The following ARHGEF28 variants were observed in gnomAD, a reference collection of about 807,000 sequenced individuals.
ARHGEF28 encodes the protein Rho guanine nucleotide exchange factor 28, also known as 190 kDa guanine nucleotide exchange factor.
Under a neutral mutation model 206.6 loss-of-function variants are expected in ARHGEF28, and 152 were observed. The ratio of observed to expected loss-of-function variants is 0.74; its 90% CI spans 0.64 to 0.84. The LOEUF (loss-of-function observed/expected upper bound fraction) is 0.84. Ranked by LOEUF, ARHGEF28 falls within the 40% of genes least tolerant of loss-of-function variation. The pLI, the probability that ARHGEF28 is intolerant of heterozygous loss-of-function variation, is 0.00. For missense variants in ARHGEF28, 2,028 were observed against 2,073.2 expected (o/e 0.98, Z 0.42); for synonymous variants, 763 against 776.4 (o/e 0.98, Z 0.29).
At chr5:73,867,552 A>G (rs1759787777) in intron 18 of ARHGEF28, among the ~76,000 whole-genome samples, 1 of 152,214 alleles carries the variant, frequency 6.6e-6, no homozygotes, top group Non-Finnish European at 1.5e-5. Flanking sequence ...AGCTGGCTGT[A>G]AGGAGTACAA....
intron 35 of ARHGEF28, among the ~76,000 whole-genome samples, chr5:73,912,434 T>A (rs1762959833): frequency 6.6e-6 from 1 of 152,222 alleles, no homozygotes; most frequent in South Asian, 2.1e-4. Flanking sequence ...TAATATATAT[T>A]CTTAGTTTGT....
intron 1 of ARHGEF28, among the ~76,000 whole-genome samples, chr5:73,647,975 G>A (rs912673413): frequency 6.6e-6 from 1 of 152,194 alleles, no homozygotes; most frequent in African/African-American, 2.4e-5. Flanking sequence ...TTTTAGTTGA[G>A]TGAATGATTG....
At chr5:73,861,023 C>T (rs1759364209) in intron 16 of ARHGEF28, among the ~76,000 whole-genome samples, 1 of 152,210 alleles carries the variant, frequency 6.6e-6, no homozygotes, top group Non-Finnish European at 1.5e-5. Context: ...GGAGGTCTTC[C>T]CTGACCACTG....
intron 2 of ARHGEF28, among the ~76,000 whole-genome samples, chr5:73,726,243 A>T (rs898652713): frequency 1.3e-5 from 2 of 152,208 alleles, no homozygotes; most frequent in African/African-American, 4.8e-5. Context: ...CAAAATGACA[A>T]GGAAGTCCTT....
At chr5:73,893,683 C>T (rs2112689343) in intron 28 of ARHGEF28, among the ~76,000 whole-genome samples, 2 of 152,286 alleles carry the variant, frequency 1.3e-5, no homozygotes, top group Middle Eastern at 3.4e-3. Flanking sequence ...TAGACTAGCT[C>T]AGTGATTCTC....
At chr5:73,695,488 G>A (rs2112273115) in intron 2 of ARHGEF28, among the ~76,000 whole-genome samples, 1 of 152,206 alleles carries the variant, frequency 6.6e-6, no homozygotes, top group South Asian at 2.1e-4. Flanking sequence ...TGGCCTGTTT[G>A]CTATTATCAC....
Position 73,899,123 on chromosome 5 carries a change from C to T in ARHGEF28, c.3973+1030C>T, listed in dbSNP as rs908101902. The stretch of plus-strand genomic sequence containing the variant: ...TCTCTCAAGTTCTGCTTTATCTAAT[C>T]CTGAGTTTCTAGTTTCAGAATGCGC... On this transcript the variant is annotated intron_variant, in intron 30 of 35. Coordinates refer to ENST00000513042, the MANE Select transcript of ARHGEF28 (RefSeq NM_001177693.2). 12 of 151,848 alleles carry T rather than the reference C, an allele frequency of 7.9e-5. 1 individual carries two copies. The highest frequency in any genetic ancestry group is 7.9e-4 in the Admixed American group (12 of 15,258). The allele number at this position is 151,848 out of a possible 1,614,324, so 9.4% of individuals were successfully genotyped here. A position where few individuals can be genotyped will look rare whatever the true frequency, so the allele number is the denominator to read the frequency against.
Position 73,740,006 on chromosome 5 carries a change from C to CAA in ARHGEF28, c.34-9816_34-9815dup, listed in dbSNP as rs1163854911. Among the ~76,000 whole-genome samples the CAA allele has an allele frequency of 8.5e-4, 106 of 124,540 alleles. 2 individuals carry two copies. The highest frequency in any genetic ancestry group is 4.2e-3 in the Middle Eastern group (1 of 238). 81.7% of individuals were successfully genotyped at this position (124,540 alleles called of 152,430 possible). A position where few individuals can be genotyped will look rare whatever the true frequency, so the allele number is the denominator to read the frequency against. On this transcript the variant is annotated intron_variant, in intron 2 of 35. Transcript: ENST00000513042. ...CAACATAGTGAGACTTTGTCTCTACCAAAAAAAAAAAAAAAATTTAGCTAG... is the reference window on the plus strand; with the variant it reads ...CAACATAGTGAGACTTTGTCTCTACCAAAAAAAAAAAAAAAAAATTTAGCTAG...
At chr5:73,869,274 A>G (rs1311978842) in intron 20 of ARHGEF28, among the ~76,000 whole-genome samples, 1 of 151,342 alleles carries the variant, frequency 6.6e-6, no homozygotes, top group South Asian at 2.1e-4. Flanking sequence ...TTGTAATTTC[A>G]TCAGAAAAAT....
chr5:73,704,798 C>G (rs942591042), intron 2 of ARHGEF28, among the ~76,000 whole-genome samples: 7 of 152,158 alleles, frequency 4.6e-5, no homozygotes, highest in Admixed American at 1.3e-4. Context: ...TTTGCCTCAT[C>G]ATACAGTTGT....
chr5:73,915,111 A>T (rs141683012), intron 35 of ARHGEF28, among the ~76,000 whole-genome samples: 2 of 152,070 alleles, frequency 1.3e-5, no homozygotes, highest in South Asian at 2.1e-4. Flanking sequence ...GCCTAGTGGG[A>T]TGTTCATGAT....
chr5:73,791,119 A>C (rs982625781), intron 7 of ARHGEF28, among the ~76,000 whole-genome samples: 5 of 152,190 alleles, frequency 3.3e-5, no homozygotes, highest in African/African-American at 1.2e-4. Context: ...TCAGCTATGT[A>C]TATTTTGGGC....
intron 9 of ARHGEF28, among the ~76,000 whole-genome samples, chr5:73,812,523 CT>C (rs1252406837): frequency 4.6e-5 from 7 of 152,142 alleles, no homozygotes; most frequent in Non-Finnish European, 1.0e-4. Context: ...TTTTTTTCCA[CT>C]GCAGATCTCG....
chr5:73,709,064 A>G (rs1749100754), intron 2 of ARHGEF28, among the ~76,000 whole-genome samples: 1 of 152,126 alleles, frequency 6.6e-6, no homozygotes, highest in Admixed American at 6.6e-5. Context: ...TTGACCTAAA[A>G]CAAGGCTGTA....
chr5:73,778,843 GT>G (rs1419341804), intron 6 of ARHGEF28, among the ~76,000 whole-genome samples: 1 of 152,188 alleles, frequency 6.6e-6, no homozygotes. Context: ...TGTATAAAAA[GT>G]ATTCCTGCTT....
At chr5:73,699,543 A>G (rs1748463863) in intron 2 of ARHGEF28, among the ~76,000 whole-genome samples, 1 of 152,212 alleles carries the variant, frequency 6.6e-6, no homozygotes, top group South Asian at 2.1e-4. Flanking sequence ...CCTTGGAATT[A>G]GAAATGACCA....
At chr5:73,896,856 A>G (rs1390594072) in intron 29 of ARHGEF28, among the ~76,000 whole-genome samples, 1 of 152,172 alleles carries the variant, frequency 6.6e-6, no homozygotes, top group Non-Finnish European at 1.5e-5. Flanking sequence ...ACCGTGACAG[A>G]GGTGCCGGGG....
intron 13 of ARHGEF28, among the ~76,000 whole-genome samples, chr5:73,851,324 T>C (rs1411737551): frequency 6.6e-6 from 1 of 152,042 alleles, no homozygotes; most frequent in Non-Finnish European, 1.5e-5. Context: ...CTAGGATGCT[T>C]TCGGTCCTTT....
chr5:73,773,584 G>T (rs1254537727), intron 4 of ARHGEF28, among the ~76,000 whole-genome samples: 2 of 152,208 alleles, frequency 1.3e-5, no homozygotes, highest in African/African-American at 4.8e-5. Context: ...TCTAGTGAAA[G>T]ATGACGTGAA....
Sources: gnomAD v4.1 joint callset for allele counts (sites outside exome capture counted in the v4.1 genomes callset) on GRCh38, gnomAD v4.1.1 for gene constraint, MANE v1.5 for transcripts, NCBI Gene and HGNC (gene_info 2026-07-23, HGNC 2026-07-21) for gene names.